KATNIP: variants seen among roughly 807,000 people sequenced by gnomAD.
The protein encoded by KATNIP is katanin-interacting protein.
KATNIP carries 126 observed loss-of-function variants against 174.0 expected under a neutral mutation model. That is an observed-to-expected ratio of 0.72 (90% CI 0.63 to 0.84). KATNIP has a LOEUF of 0.84. Ranked by LOEUF, KATNIP falls within the 40% of genes least tolerant of loss-of-function variation. KATNIP has a pLI of 0.00. For synonymous variants in KATNIP, 810 were observed against 835.7 expected, an observed-to-expected ratio of 0.97 and a Z score of 0.53; for missense variants, 1,958 against 2,109.7, an observed-to-expected ratio of 0.93 and a Z score of 1.41.
At chr16:27,745,442 G>A (rs150971601) in intron 15 of KATNIP, among the ~76,000 whole-genome samples, 3 of 152,238 alleles carry the variant, frequency 2.0e-5, no homozygotes, top group African/African-American at 7.2e-5. Context: ...CACAGCCCTG[G>A]AGTGACTATG....
chr16:27,760,932 G>A (rs1567413040), intron 18 of KATNIP, among the ~76,000 whole-genome samples: 1 of 152,174 alleles, frequency 6.6e-6, no homozygotes, highest in Non-Finnish European at 1.5e-5. Context: ...ACCAGGCCAT[G>A]TGAATTCTAG....
chr16:27,741,669 G>A (rs924468498), intron 15 of KATNIP, among the ~76,000 whole-genome samples: 8 of 152,182 alleles, frequency 5.3e-5, no homozygotes, highest in African/African-American at 1.7e-4. Context: ...TTGGGAGGCC[G>A]AGGCGGGCAG....
At chr16:27,760,634 G>T (rs2081915736) in intron 18 of KATNIP, among the ~76,000 whole-genome samples, 1 of 152,200 alleles carries the variant, frequency 6.6e-6, no homozygotes, top group Non-Finnish European at 1.5e-5. Context: ...GTAGTTGCTG[G>T]TTTAATCATT....
At chr16:27,747,040 C>T (rs2081319781) in intron 15 of KATNIP, among the ~76,000 whole-genome samples, 1 of 152,182 alleles carries the variant, frequency 6.6e-6, no homozygotes, top group Non-Finnish European at 1.5e-5. Context: ...AGAACTTGAC[C>T]TGTAAAGTTA....
In KATNIP at chr16:27,588,726, ATTG is replaced by A. The variant is rs375278158; in HGVS notation, c.63+14776_63+14778del. Among the ~76,000 whole-genome samples, 174 of 152,198 alleles carry A rather than the reference ATTG, an allele frequency of 1.1e-3. 1 individual carries two copies. The highest frequency in any genetic ancestry group is 4.4e-3 in the Admixed American group (68 of 15,282). On this transcript the variant is annotated intron_variant, in intron 2 of 27. Coordinates refer to ENST00000261588, the MANE Select transcript of KATNIP (RefSeq NM_015202.5). ...TTAAATCGCAAAATAATTTGAGTAC[ATTG>A]TTGTTATTAAAAATTTTTCAAGTTT... is the stretch of plus-strand genomic sequence containing the variant.
chr16:27,642,763 TAA>T (rs201059771), intron 5 of KATNIP, among the ~76,000 whole-genome samples: 2 of 140,594 alleles, frequency 1.4e-5, no homozygotes, highest in Admixed American at 8.0e-5. Context: ...TTTTAATTTT[TAA>T]AAAATTTTTT....
At chr16:27,614,317 G>A (rs2075981024) in intron 2 of KATNIP, among the ~76,000 whole-genome samples, 1 of 151,984 alleles carries the variant, frequency 6.6e-6, no homozygotes, top group Admixed American at 6.6e-5. Flanking sequence ...CCGCCACCTC[G>A]CCCAGCTAAT....
intron 18 of KATNIP, among the ~76,000 whole-genome samples, chr16:27,757,867 G>T (rs1187132996): frequency 6.6e-6 from 1 of 152,182 alleles, no homozygotes; most frequent in African/African-American, 2.4e-5. Context: ...TTAATGTTTT[G>T]AAAGGGGATA....
At chr16:27,584,484 C>T (rs549202769) in intron 2 of KATNIP, among the ~76,000 whole-genome samples, 1 of 152,262 alleles carries the variant, frequency 6.6e-6, no homozygotes, top group South Asian at 2.1e-4. Flanking sequence ...TAGTAACTGA[C>T]AGCACAATTG....
intron 6 of KATNIP, among the ~76,000 whole-genome samples, chr16:27,676,442 C>A (rs933238304): frequency 2.6e-5 from 4 of 152,168 alleles, no homozygotes; most frequent in Non-Finnish European, 4.4e-5. Flanking sequence ...AGGTGTTCCT[C>A]ACTTCCTCCT....
intron 2 of KATNIP, among the ~76,000 whole-genome samples, chr16:27,580,699 A>AT (rs5816440): frequency 5.6e-4 from 74 of 132,336 alleles, no homozygotes; most frequent in Admixed American, 1.9e-3. Context: ...TTTCTTCTTG[A>AT]TTTTTTTTTT....
At position 27,721,646 on chromosome 16, in the gene KATNIP, A is replaced by T; in HGVS notation, c.1694A>T (p.Asp565Val). Residue 565 changes from aspartate (D) to valine (V), a missense_variant, in exon 14 of 28, where the codon GAC becomes GTC. By Grantham distance (152) the Asp-to-Val change is radical. This residue lies in a region of KATNIP where 1,557 missense variants were observed against 1,617.8 expected (regional missense o/e 0.96). Transcript: ENST00000261588. ...FVIRNTRQLGDFHLAKIKVRN... is the reference protein window; with the variant it reads ...FVIRNTRQLGVFHLAKIKVRN... ...ATTCGAAACACAAGACAGCTGGGGGACTTCCATCTGGCCAAGATCAAGGTT... is the reference window on the plus strand; with the variant it reads ...ATTCGAAACACAAGACAGCTGGGGGTCTTCCATCTGGCCAAGATCAAGGTT... 6.2e-7 allele frequency: 1 copy of T among 1,614,084 alleles called. No homozygotes were observed.
At chr16:27,635,866 A>G (rs1050891971) in intron 5 of KATNIP, among the ~76,000 whole-genome samples, 1 of 152,186 alleles carries the variant, frequency 6.6e-6, no homozygotes, top group Non-Finnish European at 1.5e-5. Context: ...TATTAAAAAT[A>G]TATCTAGCCA....
intron 1 of KATNIP, among the ~76,000 whole-genome samples, chr16:27,564,642 C>G (rs1250042307): frequency 6.6e-6 from 1 of 152,026 alleles, no homozygotes; most frequent in Non-Finnish European, 1.5e-5. Flanking sequence ...ACAGGGGTAT[C>G]ATATCAGGCT....
chr16:27,554,640 A>T (rs1281091909), intron 1 of KATNIP, among the ~76,000 whole-genome samples: 2 of 151,998 alleles, frequency 1.3e-5, no homozygotes, highest in African/African-American at 4.8e-5. Flanking sequence ...CAGTCTTAGG[A>T]CGTTATTGTA....
Position 27,749,754 on chromosome 16 carries a change from A to G in KATNIP, c.2794A>G (p.Ser932Gly), listed in dbSNP as rs2081426876. 1.2e-6 allele frequency: 2 copies of G among 1,611,480 alleles called. No homozygotes were observed. Among genetic ancestry groups the G allele is most frequent in the Non-Finnish European group, 1.7e-6 (2 of 1,178,764 alleles). The change falls in exon 16 of 28, where the codon AGC becomes GGC. Residue 932 changes from serine to glycine, a missense_variant. Ser to Gly is a moderately conservative substitution (Grantham distance 56). Transcript: ENST00000261588. ...DILDELLQQK[S>G]SRHSDLPPSK... is the part of the protein sequence containing the mutation. Reference sequence around the variant, plus strand: ...CCTGGATGAGCTCCTGCAGCAAAAGAGCAGCCGGCACAGCGACTTGCCCCC... The same window carrying G: ...CCTGGATGAGCTCCTGCAGCAAAAGGGCAGCCGGCACAGCGACTTGCCCCC...
intron 2 of KATNIP, 76 bp from the exon 3 acceptor site, chr16:27,618,349 G>C (rs2076099509): frequency 8.6e-7 from 1 of 1,157,196 alleles, no homozygotes; most frequent in Admixed American, 1.7e-5. Flanking sequence ...TGCTGCGCCG[G>C]TGTGTGCTGC....
intron 6 of KATNIP, 38 bp downstream of exon 6, chr16:27,648,773 A>C: frequency 6.2e-7 from 1 of 1,600,556 alleles, no homozygotes; most frequent in Non-Finnish European, 8.5e-7. Context: ...GGACACCTGA[A>C]GGACGGCGAG....
chr16:27,710,162 C>A (rs1204600677), intron 13 of KATNIP, among the ~76,000 whole-genome samples: 1 of 152,214 alleles, frequency 6.6e-6, no homozygotes, highest in East Asian at 1.9e-4. Context: ...GAGTTCAAGA[C>A]CAGCCTGGCC....
Sources: allele counts gnomAD v4.1 joint callset (sites outside exome capture counted in the v4.1 genomes callset), GRCh38; gene constraint gnomAD v4.1.1; regional missense constraint gnomAD v4.1.1; transcripts MANE v1.5; gene names NCBI Gene and HGNC (gene_info 2026-07-23, HGNC 2026-07-21).